RUNX3: variants seen among roughly 807,000 people sequenced by gnomAD.
The protein encoded by RUNX3 is runt-related transcription factor 3.
RUNX3 carries 10 observed loss-of-function variants against 27.7 expected under a neutral mutation model. The observed-to-expected ratio is 0.36, with a 90% CI of 0.22 to 0.61. The LOEUF (loss-of-function observed/expected upper bound fraction) is 0.61, where lower values mean the gene tolerates loss of function less well. Ranked by LOEUF, RUNX3 falls within the 20% of genes least tolerant of loss-of-function variation. RUNX3 has a pLI of 0.72. For synonymous variants in RUNX3, 270 were observed against 269.2 expected, an observed-to-expected ratio of 1.00 and a Z score of -0.03; for missense variants, 469 against 629.5, an observed-to-expected ratio of 0.75 and a Z score of 2.73.
chr1:24,938,960 C>A (rs1006179544), intron 2 of RUNX3, among the ~76,000 whole-genome samples: 1 of 152,174 alleles, frequency 6.6e-6, no homozygotes. Context: ...GTTACAGCGA[C>A]ACAGAGTGAA....
In RUNX3 at chr1:24,943,433, C is replaced by A. The variant is rs997309025; in HGVS notation, c.59-13581G>T. Among the ~76,000 whole-genome samples the A allele has an allele frequency of 2.6e-5, 4 of 152,194 alleles. No individual in the cohort carries two copies. Among genetic ancestry groups the A allele is most frequent in the Non-Finnish European group, 5.9e-5 (4 of 68,046 alleles). On this transcript the variant is annotated intron_variant, in intron 2 of 6. Transcript: ENST00000338888. The surrounding 1 kb of genome is among the most constrained non-coding windows in gnomAD (Gnocchi z 4.6). ...GGTGCCAGGCACGGTTCTGAGAACT[C>A]ACACAGCTTAACTCTTCATCCTTGC...
chr1:24,941,905 C>T (rs375183350), intron 2 of RUNX3, among the ~76,000 whole-genome samples: 3 of 152,308 alleles, frequency 2.0e-5, no homozygotes, highest in African/African-American at 7.2e-5. Flanking sequence ...ACACTGGGCA[C>T]TCTGTCATTT....
chr1:24,949,322 G>C (rs766171630), intron 2 of RUNX3, among the ~76,000 whole-genome samples: 1 of 152,142 alleles, frequency 6.6e-6, no homozygotes, highest in Admixed American at 6.5e-5. Context: ...TGGCTAAATG[G>C]AAAGTGCAAA....
At chr1:24,941,028 T>G (rs60170559) in intron 2 of RUNX3, among the ~76,000 whole-genome samples, 1 of 152,154 alleles carries the variant, frequency 6.6e-6, no homozygotes, top group East Asian at 1.9e-4. Flanking sequence ...TCTGAAAAAA[T>G]GGACAATATG....
intron 2 of RUNX3, among the ~76,000 whole-genome samples, chr1:24,950,065 TG>T (rs1641718668): frequency 1.3e-5 from 2 of 152,236 alleles, no homozygotes; most frequent in African/African-American, 4.8e-5. Flanking sequence ...ACTGTATTTC[TG>T]GGGGTCCTGC....
chr1:24,948,310 C>T lies in RUNX3; in HGVS notation c.58+16204G>A, dbSNP rs186474897. 3.5e-3 allele frequency among the ~76,000 whole-genome samples: 536 copies of T among 152,350 alleles called. 5 individuals are homozygous for T. The highest frequency in any genetic ancestry group is 0.012 in the African/African-American group (488 of 41,586). The stretch of plus-strand genomic sequence containing the variant: ...GTTCCTGAAAAGTCTGTGTCTGTTG[C>T]AGCAGGTGCGGCCTGTGAAGTGTGT... On this transcript the variant is annotated intron_variant, in intron 2 of 6. Coordinates refer to the RUNX3 transcript ENST00000338888.
chr1:24,924,360 C>G (rs1641058475), intron 2 of RUNX3, among the ~76,000 whole-genome samples: 1 of 149,672 alleles, frequency 6.7e-6, no homozygotes, highest in South Asian at 2.1e-4. Flanking sequence ...GACCTTGTCC[C>G]AAAAAAAAGT....
chr1:24,930,345 G>T, upstream of RUNX3: 1 of 510,556 alleles, frequency 2.0e-6, no homozygotes, highest in Non-Finnish European at 2.5e-6. This position sits in a 1 kb window ranked among gnomAD's most constrained non-coding sequence, Gnocchi z 4.1. Flanking sequence ...GGAGCGACGC[G>T]TCGCACAGCC....
chr1:24,921,777 G>A (rs2124289259), intron 2 of RUNX3, among the ~76,000 whole-genome samples: 1 of 152,292 alleles, frequency 6.6e-6, no homozygotes, highest in East Asian at 1.9e-4. Flanking sequence ...TAGGCAGACA[G>A]CCCAGAGCCC....
intron 3 of RUNX3, among the ~76,000 whole-genome samples, chr1:24,909,788 CTG>C (rs1302097373): frequency 2.0e-5 from 3 of 152,230 alleles, no homozygotes; most frequent in African/African-American, 7.2e-5. Flanking sequence ...CCTTGGAGGA[CTG>C]TGCACTCCAG....
In RUNX3 at chr1:24,943,202, T is replaced by C. The variant is rs1336098061; in HGVS notation, c.59-13350A>G. ...GAGGGAATGACTTTTCATGTGGTTGTGGGGCAGGCATGCCACCCAGCACGT... is the reference window on the plus strand; with the variant it reads ...GAGGGAATGACTTTTCATGTGGTTGCGGGGCAGGCATGCCACCCAGCACGT... On this transcript the variant is annotated intron_variant, in intron 2 of 6. Transcript: ENST00000338888. The surrounding 1 kb of genome is among the most constrained non-coding windows in gnomAD (Gnocchi z 4.6). Among the ~76,000 whole-genome samples, 1 of 152,058 alleles carries C rather than the reference T, an allele frequency of 6.6e-6. No individual in the cohort carries two copies. Among genetic ancestry groups the C allele is most frequent in the Non-Finnish European group, 1.5e-5 (1 of 67,990 alleles).
At chr1:24,939,337 C>T (rs1010308573) in intron 2 of RUNX3, among the ~76,000 whole-genome samples, 5 of 152,212 alleles carry the variant, frequency 3.3e-5, no homozygotes, top group East Asian at 1.9e-4. Context: ...AGCATTGTTA[C>T]AGTGCAGCCA....
chr1:24,938,382 A>AAG (rs1400157303), intron 2 of RUNX3, among the ~76,000 whole-genome samples: 1 of 152,152 alleles, frequency 6.6e-6, no homozygotes, highest in African/African-American at 2.4e-5. Flanking sequence ...GAAGGATCAG[A>AAG]GATTTGCCCA....
chr1:24,914,770 AC>A lies in RUNX3; in HGVS notation c.544+4469del, dbSNP rs1165582399. On this transcript the variant is annotated intron_variant, in intron 3 of 4. Coordinates refer to ENST00000308873, the MANE Select transcript of RUNX3 (RefSeq NM_004350.3). The stretch of plus-strand genomic sequence containing the variant: ...CCTCTCCTCAGCCCAGGAAGAAACT[AC>A]AGAAACTCTAAGGCCTTCAAAGGCC... 2.0e-5 allele frequency among the ~76,000 whole-genome samples: 3 copies of A among 152,160 alleles called. No individual in the cohort carries two copies. The East Asian group carries it at 5.8e-4, about 29-fold the overall frequency.
intron 2 of RUNX3, among the ~76,000 whole-genome samples, chr1:24,924,237 C>T (rs983719821): frequency 9.9e-5 from 15 of 152,084 alleles, no homozygotes; most frequent in African/African-American, 3.1e-4. Flanking sequence ...ATCAGCTGAG[C>T]ATGGTGGCGC....
At chr1:24,930,282 CGCGGCCGCCCGCGCGGGGTT>C (rs1472328294), upstream of RUNX3, 2 of 978,240 alleles carry the variant, frequency 2.0e-6, no homozygotes, top group African/African-American at 3.5e-5. This position sits in a 1 kb window ranked among gnomAD's most constrained non-coding sequence, Gnocchi z 4.1. Flanking sequence ...GTGGCGGGGC[CGCGGCCGCCCGCGCGGGGTT>C]AGTACCCCCG....
chr1:24,931,213 A>G (rs1047068943), upstream of RUNX3, among the ~76,000 whole-genome samples: 1 of 152,376 alleles, frequency 6.6e-6, no homozygotes. Context: ...TTCTTTCTCC[A>G]TGCGGGTGGA....
rs1035770956 is a variant in RUNX3 at position 24,927,248 on chromosome 1, G to A, written c.439+326C>T. Among the ~76,000 whole-genome samples the A allele has an allele frequency of 4.6e-5, 7 of 152,072 alleles. No individual in the cohort carries two copies. The highest frequency in any genetic ancestry group is 1.4e-4 in the African/African-American group (6 of 41,400). On this transcript the variant is annotated intron_variant, in intron 2 of 4. Coordinates refer to ENST00000308873, the MANE Select transcript of RUNX3 (RefSeq NM_004350.3). The surrounding 1 kb of genome is among the most constrained non-coding windows in gnomAD (Gnocchi z 5.0). ...TGAAAGACCTATAAGCTCCCTTTTT[G>A]AGCTTGTTAATCCACCATCTCCTGC...
intron 3 of RUNX3, among the ~76,000 whole-genome samples, chr1:24,914,631 T>A (rs944707785): frequency 1.3e-5 from 2 of 151,666 alleles, no homozygotes; most frequent in African/African-American, 2.4e-5. Context: ...ACCCAGGAGG[T>A]CTGTGGTTAA....
Sources: gnomAD v4.1 joint callset for allele counts (sites outside exome capture counted in the v4.1 genomes callset) on GRCh38, gnomAD v4.1.1 for gene constraint, Gnocchi (gnomAD v3.1) non-coding constraint, MANE v1.5 for transcripts, NCBI Gene and HGNC (gene_info 2026-07-23, HGNC 2026-07-21) for gene names.